ZNF597: variants seen among roughly 807,000 people sequenced by gnomAD.
ZNF597 encodes the protein zinc finger protein 597.
Under a neutral mutation model 7.3 loss-of-function variants are expected in ZNF597, and 5 were observed. The ratio of observed to expected loss-of-function variants is 0.68; its 90% CI spans 0.36 to 1.44. The LOEUF is 1.44. Ranked by LOEUF, ZNF597 falls within the 40% of genes most tolerant of loss-of-function variation. The pLI is 0.04. For missense variants in ZNF597, 585 were observed against 517.9 expected, an observed-to-expected ratio of 1.13 and a Z score of -1.26; for synonymous variants, 209 against 185.4, an observed-to-expected ratio of 1.13 and a Z score of -1.04.
rs2150931334 is a variant in ZNF597 at position 3,433,102 on chromosome 16, T to C, written c.*3322A>G. ...TCAAAATGGCATTTGCTGTGAAATG[T>C]CATTTGAGTTTTAACTCCCTGAATT... On this transcript the variant is annotated 3_prime_UTR_variant, in exon 4 of 4. Transcript: ENST00000301744. 6.6e-6 allele frequency: 1 copy of C among 152,354 alleles called. No individual in the cohort carries two copies. The highest frequency in any genetic ancestry group is 1.9e-4 in the East Asian group (1 of 5,188). The allele number at this position is 152,354 out of a possible 1,614,324, so 9.4% of individuals were successfully genotyped here.
rs2034273961 is a variant in ZNF597 at position 3,433,627 on chromosome 16, A to T, written c.*2797T>A. ...TGACAATTTTATGGAATTTATCTCC[A>T]TCAGTTGACACTGTAAACAGAAGGG... is the stretch of plus-strand genomic sequence containing the variant. On this transcript the variant is annotated 3_prime_UTR_variant, in exon 4 of 4. Coordinates refer to ENST00000301744, the MANE Select transcript of ZNF597 (RefSeq NM_152457.3). The T allele has an allele frequency of 6.6e-6, 1 of 152,246 alleles. No homozygotes were observed. Among genetic ancestry groups the T allele is most frequent in the Non-Finnish European group, 1.5e-5 (1 of 68,042 alleles). 9.4% of individuals were successfully genotyped at this position (152,246 alleles called of 1,614,324 possible).
chr16:3,440,126 G>T (rs920351034), intron 3 of ZNF597, among the ~76,000 whole-genome samples: 3 of 152,162 alleles, frequency 2.0e-5, no homozygotes, highest in Admixed American at 2.0e-4. Context: ...TCAGGCACAG[G>T]AGTCCATCTG....
chr16:3,437,318 G>A lies in ZNF597; in HGVS notation c.381C>T (p.Thr127=). ...AATATTCAGAGAGTTCTACTAATGG[G>A]GTGTGGTTTTCAATGGTAACTAAAA... ...ISLLVTIENH[T]PLVELSEYLG... Residue 127 remains threonine, a synonymous_variant, in exon 4 of 4, where the codon ACC becomes ACT. Transcript: ENST00000301744. 6.2e-7 allele frequency: 1 copy of A among 1,614,066 alleles called. No individual in the cohort carries two copies.
intron 2 of ZNF597, among the ~76,000 whole-genome samples, chr16:3,442,404 A>G (rs541541181): frequency 1.1e-4 from 17 of 152,156 alleles, no homozygotes; most frequent in Non-Finnish European, 2.4e-4. Context: ...GGCCGGGCGC[A>G]GTGGCTCACA....
rs1397483339 is a variant in ZNF597 at position 3,436,714 on chromosome 16, C to T, written c.985G>A (p.Gly329Arg). 6.2e-7 allele frequency: 1 copy of T among 1,614,090 alleles called. No individual in the cohort carries two copies. The highest frequency in any genetic ancestry group is 1.7e-5 in the Admixed American group (1 of 60,018). ...DEDSERCSDD[G>R]DNFFSFSKFK... ...TTTGAGAATGAGAAGAAATTGTCCC[C>T]ATCATCGCTGCAGCGTTCAGAGTCC... The change falls in exon 4 of 4, where the codon GGG (glycine) becomes AGG (arginine). Residue 329 changes from glycine (G) to arginine (R), a missense_variant. Coordinates refer to ENST00000301744, the MANE Select transcript of ZNF597 (RefSeq NM_152457.3).
At chr16:3,437,681 C>A (rs1007699908) in intron 3 of ZNF597, 143 bp from the exon 4 acceptor site, 31 of 1,340,722 alleles carry the variant, frequency 2.3e-5, no homozygotes, top group Non-Finnish European at 2.9e-5. Context: ...CACACAAAAT[C>A]AGGACCAAGC....
At position 3,437,096 on chromosome 16, in the gene ZNF597, T is replaced by C. The variant is rs573915253; in HGVS notation, c.603A>G (p.Thr201=). The part of the protein sequence containing the change: ...KIFNHRANLR[T]HRRIHTGEKP... ...TCTCACCAGTATGGATTCTCCTGTG[T>C]GTCCTCAGGTTGGCTCTATGATTGA... Residue 201 remains threonine (T), a synonymous_variant, in exon 4 of 4, where the codon ACA becomes ACG. Coordinates refer to ENST00000301744, the MANE Select transcript of ZNF597 (RefSeq NM_152457.3). 2 of 1,614,208 alleles carry C rather than the reference T, an allele frequency of 1.2e-6. No individual in the cohort carries two copies. Among genetic ancestry groups the C allele is most frequent in the East Asian group, 4.5e-5 (2 of 44,882 alleles).
At chr16:3,441,306 G>T (rs2034366603) in intron 2 of ZNF597, among the ~76,000 whole-genome samples, 1 of 152,180 alleles carries the variant, frequency 6.6e-6, no homozygotes, top group African/African-American at 2.4e-5. Context: ...CCAACACTTT[G>T]GGAGTCTGAG....
intron 2 of ZNF597, among the ~76,000 whole-genome samples, chr16:3,442,878 A>G (rs1291434667): frequency 6.6e-6 from 1 of 152,112 alleles, no homozygotes; most frequent in Non-Finnish European, 1.5e-5. Flanking sequence ...CAGATAAGAC[A>G]TTGAGAAACT....
rs528651198 is a variant in ZNF597, at chr16:3,433,061, C to T, written c.*3363G>A. 6.6e-6 allele frequency: 1 copy of T among 152,276 alleles called. No homozygotes were observed. Among genetic ancestry groups the T allele is most frequent in the African/African-American group, 2.4e-5 (1 of 41,542 alleles). 9.4% of individuals were successfully genotyped at this position (152,276 alleles called of 1,614,324 possible). On this transcript the variant is annotated 3_prime_UTR_variant, in exon 4 of 4. Transcript: ENST00000301744. ...ACATTGCCACTTAATTATATGGAAA[C>T]TCAGGAGGCAAAGACTCAAAATGGC...
At chr16:3,441,958 C>T (rs1369275007) in intron 2 of ZNF597, among the ~76,000 whole-genome samples, 2 of 142,442 alleles carry the variant, frequency 1.4e-5, no homozygotes, top group Admixed American at 7.3e-5. Context: ...CCAGCCTAGG[C>T]GTCGCAGCGA....
chr16:3,440,787 A>T lies in ZNF597; in HGVS notation c.160+20T>A, dbSNP rs575391198. On this transcript the variant is annotated intron_variant, in intron 3 of 3. Coordinates refer to ENST00000301744, the MANE Select transcript of ZNF597 (RefSeq NM_152457.3). ...TAGAATTGACAAAAGTTCCAGATGC[A>T]GGAAAAACAATTGCCTTACCCATCA... 20 of 1,612,146 alleles carry T rather than the reference A, an allele frequency of 1.2e-5. No homozygotes were observed. In the South Asian group the frequency reaches 2.0e-4, roughly 16 times the overall value.
chr16:3,443,375 A>C lies in ZNF597; in HGVS notation c.-69T>G. On this transcript the variant is annotated 5_prime_UTR_variant, in exon 1 of 4. Transcript: ENST00000301744. ...GCCCACTTACCGCTCCGCGGTTAATAACAGGCCTCGCGCTCCCTGACAGGA... is the reference window on the plus strand; with the variant it reads ...GCCCACTTACCGCTCCGCGGTTAATCACAGGCCTCGCGCTCCCTGACAGGA... The C allele has an allele frequency of 3.6e-6, 2 of 562,674 alleles. No homozygotes were observed. The highest frequency in any genetic ancestry group is 6.2e-6 in the Non-Finnish European group (2 of 325,008). 34.9% of individuals were successfully genotyped at this position (562,674 alleles called of 1,614,324 possible).
At chr16:3,439,625 CAA>C (rs35430307) in intron 3 of ZNF597, among the ~76,000 whole-genome samples, 2 of 139,744 alleles carry the variant, frequency 1.4e-5, no homozygotes, top group African/African-American at 2.6e-5. Flanking sequence ...CCTAACAAAG[CAA>C]AAAAAAAAAG....
chr16:3,440,430 T>C (rs1238150391), intron 3 of ZNF597, among the ~76,000 whole-genome samples: 2 of 152,098 alleles, frequency 1.3e-5, no homozygotes, highest in Non-Finnish European at 2.9e-5. Flanking sequence ...GTCAGGAGAT[T>C]GAGACCATCC....
chr16:3,437,679 A>T, intron 3 of ZNF597, 141 bp from the exon 4 acceptor site: 1 of 1,349,210 alleles, frequency 7.4e-7, no homozygotes, highest in Non-Finnish European at 9.7e-7. Context: ...ACCACACAAA[A>T]TCAGGACCAA....
rs2034358314 is a variant in ZNF597, at chr16:3,440,754, TCTC to T, written c.160+50_160+52del. 3.7e-6 allele frequency: 6 copies of T among 1,604,948 alleles called. No individual in the cohort carries two copies. The African/African-American group carries it at 5.4e-5, about 14-fold the overall frequency. ...CCAACATCTGGATAAAGCATGAAGT[TCTC>T]CTCCTAGAATTGACAAAAGTTCCAG... is the stretch of plus-strand genomic sequence containing the variant. On this transcript the variant is annotated intron_variant, in intron 3 of 3. Transcript: ENST00000301744.
Position 3,437,487 on chromosome 16 carries a change from T to C in ZNF597, c.212A>G (p.Glu71Gly). The change falls in exon 4 of 4, where the codon GAA becomes GGA. Residue 71 changes from glutamate to glycine, a missense_variant. Physicochemically the swap from Glu to Gly is moderately conservative, Grantham distance 98. Coordinates refer to ENST00000301744, the MANE Select transcript of ZNF597 (RefSeq NM_152457.3). ...CTTTTCTAAGGCAAGCTCGTCAAGT[T>C]CCATAGACTCTAGGCTTAACTGCTG... Reference protein sequence around the residue: ...INQQLSLESMELDELALEKYP... With the variant: ...INQQLSLESMGLDELALEKYP... The C allele has an allele frequency of 7.4e-6, 12 of 1,613,926 alleles. No homozygotes were observed. Among genetic ancestry groups the C allele is most frequent in the African/African-American group, 1.3e-5 (1 of 74,988 alleles).
chr16:3,442,742 G>A (rs1284740156), intron 2 of ZNF597, among the ~76,000 whole-genome samples: 3 of 150,854 alleles, frequency 2.0e-5, no homozygotes, highest in Non-Finnish European at 4.4e-5. Context: ...TCAGATACTC[G>A]AGAGGCTGAG....
Sources: allele counts gnomAD v4.1 joint callset (sites outside exome capture counted in the v4.1 genomes callset), GRCh38; gene constraint gnomAD v4.1.1; transcripts MANE v1.5; gene names NCBI Gene and HGNC (gene_info 2026-07-23, HGNC 2026-07-21).